ZNF133: variants seen among roughly 807,000 people sequenced by gnomAD.
The protein encoded by ZNF133 is zinc finger protein 133 (clone pHZ-13).
Under a neutral mutation model 54.9 loss-of-function variants are expected in ZNF133, and 26 were observed. That is an observed-to-expected ratio of 0.47 (90% confidence interval 0.35 to 0.66). ZNF133 has a LOEUF of 0.66. Ranked by LOEUF, ZNF133 falls within the 30% of genes least tolerant of loss-of-function variation. The pLI, the probability that ZNF133 is intolerant of heterozygous loss-of-function variation, is 0.01. For missense variants in ZNF133, 653 were observed against 820.8 expected, an observed-to-expected ratio of 0.80 and a Z score of 2.50; for synonymous variants, 298 against 320.3, an observed-to-expected ratio of 0.93 and a Z score of 0.74.
intron 6 of ZNF133, chr20:18,310,248 C>T (rs938611258): frequency 2.6e-6 from 4 of 1,529,884 alleles, no homozygotes; most frequent in Non-Finnish European, 3.5e-6. Context: ...ATTGTGGTTG[C>T]CCAGGAAGCT....
At chr20:18,307,695 T>G (rs909211965) in intron 6 of ZNF133, among the ~76,000 whole-genome samples, 1 of 152,110 alleles carries the variant, frequency 6.6e-6, no homozygotes, top group Non-Finnish European at 1.5e-5. Flanking sequence ...TTTTTAAATC[T>G]TTTTTTTCTC....
intron 6 of ZNF133, among the ~76,000 whole-genome samples, chr20:18,308,544 A>C (rs1371734422): frequency 1.3e-5 from 2 of 152,188 alleles, no homozygotes; most frequent in African/African-American, 2.4e-5. Flanking sequence ...TGAAGTTTTT[A>C]ATGCTGAAAT....
intron 1 of ZNF133, among the ~76,000 whole-genome samples, chr20:18,292,416 G>A (rs1048189318): frequency 2.0e-5 from 3 of 152,120 alleles, no homozygotes; most frequent in East Asian, 1.9e-4. Flanking sequence ...TGAACTGTCC[G>A]TCCCTTGGCC....
chr20:18,296,721 A>G (rs566382462), intron 1 of ZNF133, among the ~76,000 whole-genome samples: 1 of 152,220 alleles, frequency 6.6e-6, no homozygotes, highest in East Asian at 1.9e-4. Flanking sequence ...CAATGCTGGT[A>G]TGAACATGAG....
At chr20:18,298,209 C>T in intron 2 of ZNF133, 80 bp from the exon 3 acceptor site, 1 of 1,500,830 alleles carries the variant, frequency 6.7e-7, no homozygotes, top group Non-Finnish European at 8.9e-7. Flanking sequence ...CTGCAAAACC[C>T]ATGACACAGT....
At chr20:18,306,258 G>A in intron 5 of ZNF133, 40 bp from the exon 6 acceptor site, 1 of 1,580,188 alleles carries the variant, frequency 6.3e-7, no homozygotes, top group Non-Finnish European at 8.6e-7. Context: ...GGGCTCTTGA[G>A]CCCATAACCT....
chr20:18,316,436 C>T lies in ZNF133; in HGVS notation c.1585C>T (p.Arg529Ter), dbSNP rs1182684086. The change falls in exon 7 of 7, where the codon CGA becomes TGA. Residue 529 changes from arginine to a stop codon, truncating the protein, a stop_gained. Transcript: ENST00000425686. LOFTEE classifies it high-confidence loss of function. ...ERPYVCRECG[R>*]GFSHQAGLIR... ...GCCGTATGTGTGCCGAGAGTGCGGGCGAGGCTTTAGCCACCAGGCCGGTCT... is the reference window on the plus strand; with the variant it reads ...GCCGTATGTGTGCCGAGAGTGCGGGTGAGGCTTTAGCCACCAGGCCGGTCT... 2.5e-6 allele frequency: 4 copies of T among 1,614,124 alleles called. No individual in the cohort carries two copies. Among genetic ancestry groups the T allele is most frequent in the East Asian group, 2.2e-5 (1 of 44,866 alleles).
Position 18,315,148 on chromosome 20 carries a change from G to C in ZNF133, c.297G>C (p.Val99=). The change falls in exon 7 of 7, where the codon GTG becomes GTC. Residue 99 remains valine, a synonymous_variant. Transcript: ENST00000425686. Reference sequence around the variant, plus strand: ...GTCAGAAATTCCCCATGCAGCATGTGCTGTGTAATCATCCCCCCTGGATCT... The same window carrying C: ...GTCAGAAATTCCCCATGCAGCATGTCCTGTGTAATCATCCCCCCTGGATCT... ...FSSQKFPMQH[V]LCNHPPWIFT... The C allele has an allele frequency of 6.2e-7, 1 of 1,607,882 alleles. No homozygotes were observed. The highest frequency in any genetic ancestry group is 8.5e-7 in the Non-Finnish European group (1 of 1,176,256).
Position 18,315,299 on chromosome 20 carries a change from G to A in ZNF133, c.448G>A (p.Gly150Ser). 1 of 1,614,120 alleles carries A rather than the reference G, an allele frequency of 6.2e-7. No individual in the cohort carries two copies. Among genetic ancestry groups the A allele is most frequent in the Non-Finnish European group, 8.5e-7 (1 of 1,180,020 alleles). ...SDQAEGPEGE[G>S]AMPLFGRTKK... is the part of the protein sequence containing the mutation. ...TCAAGCAGAAGGTCCTGAGGGAGAA[G>A]GTGCCATGCCTTTGTTTGGAAGAAC... Residue 150 changes from glycine to serine, a missense_variant, in exon 7 of 7, where the codon GGT becomes AGT. Coordinates refer to ENST00000425686, the MANE Select transcript of ZNF133 (RefSeq NM_001352452.2).
At chr20:18,306,769 A>G in intron 6 of ZNF133, 1 of 1,313,308 alleles carries the variant, frequency 7.6e-7, no homozygotes, top group Admixed American at 2.4e-5. Flanking sequence ...GGGAGGAAGA[A>G]ATCTAAAAAG....
intron 6 of ZNF133, among the ~76,000 whole-genome samples, chr20:18,311,046 G>A (rs540462078): frequency 1.3e-5 from 2 of 149,884 alleles, no homozygotes; most frequent in South Asian, 4.3e-4. Context: ...AGGTGCTGTG[G>A]CTTGCACCTG....
At chr20:18,292,319 T>A (rs776594092) in intron 1 of ZNF133, among the ~76,000 whole-genome samples, 1 of 152,206 alleles carries the variant, frequency 6.6e-6, no homozygotes, top group Non-Finnish European at 1.5e-5. Context: ...AAAACCAGTA[T>A]CCTACAAAGC....
At chr20:18,300,207 C>T (rs2043085894) in intron 3 of ZNF133, among the ~76,000 whole-genome samples, 2 of 152,104 alleles carry the variant, frequency 1.3e-5, no homozygotes, top group South Asian at 4.1e-4. Context: ...GGAGATGGAG[C>T]TGTATAGGAA....
At chr20:18,294,929 T>G (rs557119624) in intron 1 of ZNF133, among the ~76,000 whole-genome samples, 2 of 152,330 alleles carry the variant, frequency 1.3e-5, no homozygotes, top group African/African-American at 4.8e-5. Flanking sequence ...TAATTTTCTG[T>G]TTTTGAACTG....
At chr20:18,291,709 A>ATT (rs35116436) in intron 1 of ZNF133, among the ~76,000 whole-genome samples, 28,113 of 138,816 alleles carry the variant, frequency 0.2, 3,081 homozygotes, top group Non-Finnish European at 0.25. Flanking sequence ...TTCCAGTTGG[A>ATT]TTTTTTTTTT....
chr20:18,311,602 A>G (rs1180316174), intron 6 of ZNF133, among the ~76,000 whole-genome samples: 1 of 152,200 alleles, frequency 6.6e-6, no homozygotes, highest in African/African-American at 2.4e-5. Context: ...TAATTAACAT[A>G]AGGCTGATCT....
At chr20:18,290,991 G>T (rs1473592494) in intron 1 of ZNF133, among the ~76,000 whole-genome samples, 2 of 152,190 alleles carry the variant, frequency 1.3e-5, no homozygotes, top group Non-Finnish European at 2.9e-5. Context: ...GCCAGGCGTG[G>T]TGGCACACAC....
chr20:18,314,083 G>A (rs1037430935), intron 6 of ZNF133: 1 of 152,252 alleles, frequency 6.6e-6, no homozygotes, highest in Non-Finnish European at 1.5e-5. Flanking sequence ...GTAAGAAAAG[G>A]TGGTTCTGCT....
rs1410159095 is a variant in ZNF133, at chr20:18,306,372, T to C, written c.196T>C (p.Cys66Arg). ...GKETWREEKK[C>R]SPATCPADPE... The stretch of plus-strand genomic sequence containing the variant: ...AGAGACCTGGAGAGAGGAAAAAAAA[T>C]GTTCACCGGCAACCTGTCCAGGTGA... The change falls in exon 6 of 7, where the codon TGT (cysteine) becomes CGT (arginine). Residue 66 changes from cysteine (C) to arginine (R), a missense_variant. Physicochemically the swap from Cys to Arg is radical, Grantham distance 180. Coordinates refer to ENST00000425686, the MANE Select transcript of ZNF133 (RefSeq NM_001352452.2). 1 of 1,613,390 alleles carries C rather than the reference T, an allele frequency of 6.2e-7. No individual in the cohort carries two copies. The highest frequency in any genetic ancestry group is 1.1e-5 in the South Asian group (1 of 90,946).
Sources: allele counts gnomAD v4.1 joint callset (sites outside exome capture counted in the v4.1 genomes callset), GRCh38; gene constraint gnomAD v4.1.1; transcripts MANE v1.5; gene names NCBI Gene and HGNC (gene_info 2026-07-23, HGNC 2026-07-21).